RSPO2: variants seen among roughly 807,000 people sequenced by gnomAD.
The protein encoded by RSPO2 is R-spondin-2.
A neutral mutation model predicts 30.9 loss-of-function variants in RSPO2; 14 were observed. The observed-to-expected ratio is 0.45, with a 90% confidence interval of 0.30 to 0.71. RSPO2 has a LOEUF of 0.71. RSPO2 is among the 30% of genes least tolerant of loss of function. The pLI is 0.08. For synonymous variants in RSPO2, 107 were observed against 96.4 expected (o/e 1.11, Z -0.64); for missense variants, 264 against 301.9 (o/e 0.87, Z 0.93).
At position 108,082,635 on chromosome 8, in the gene RSPO2, G is replaced by T. The variant is rs1468346288; in HGVS notation, c.4C>A (p.Gln2Lys). The change falls in exon 2 of 6, where the codon CAG becomes AAG. Residue 2 changes from glutamine (Q) to lysine (K), a missense_variant. Transcript: ENST00000276659. M[Q>K]FRLFSFALII... ...AGGGCAAAGGAGAAAAGGCGAAACTGCATCTGGGCGGTCGGGCGGGGGAGA... is the reference window on the plus strand; with the variant it reads ...AGGGCAAAGGAGAAAAGGCGAAACTTCATCTGGGCGGTCGGGCGGGGGAGA... 3 of 1,613,794 alleles carry T rather than the reference G, an allele frequency of 1.9e-6. No individual in the cohort carries two copies. Among genetic ancestry groups the T allele is most frequent in the Non-Finnish European group, 2.5e-6 (3 of 1,179,754 alleles).
chr8:107,983,272 G>T (rs1814514077), intron 3 of RSPO2: 4 of 1,594,798 alleles, frequency 2.5e-6, no homozygotes, highest in Non-Finnish European at 3.4e-6. Flanking sequence ...GTCTGAGCAG[G>T]CTCATCTTTC....
chr8:108,043,733 G>A (rs1020667093), intron 2 of RSPO2, among the ~76,000 whole-genome samples: 78 of 152,046 alleles, frequency 5.1e-4, no homozygotes, highest in African/African-American at 1.7e-3. Context: ...GTGATAGCCA[G>A]GCAAGAAGCA....
At chr8:107,958,034 A>C in intron 5 of RSPO2, 46 bp downstream of exon 5, 1 of 967,716 alleles carries the variant, frequency 1.0e-6, no homozygotes. Context: ...AAGCGGGAGA[A>C]TTCAGGAAGC....
chr8:107,995,785 C>A (rs189261969), intron 2 of RSPO2, among the ~76,000 whole-genome samples: 6 of 152,216 alleles, frequency 3.9e-5, no homozygotes, highest in Admixed American at 3.3e-4. Context: ...ATAATTCAGG[C>A]CTTTATCACT....
At chr8:108,062,745 C>A (rs1302500086) in intron 2 of RSPO2, among the ~76,000 whole-genome samples, 3 of 151,720 alleles carry the variant, frequency 2.0e-5, no homozygotes, top group Non-Finnish European at 4.4e-5. Flanking sequence ...GAATTTTAGA[C>A]CAATATCCCT....
chr8:107,953,774 A>G (rs1813328437), intron 5 of RSPO2, among the ~76,000 whole-genome samples: 1 of 152,156 alleles, frequency 6.6e-6, no homozygotes, highest in Non-Finnish European at 1.5e-5. Context: ...AAAATATGGC[A>G]GGAGAATCAA....
chr8:107,907,688 CAATCATTCAGA>C (rs1203505548), intron 5 of RSPO2, among the ~76,000 whole-genome samples: 1 of 152,088 alleles, frequency 6.6e-6, no homozygotes, highest in East Asian at 1.9e-4. Flanking sequence ...ACAAATGTGA[CAATCATTCAGA>C]ATATCAGGAT....
intron 3 of RSPO2, chr8:107,983,427 C>T (rs1167045636): frequency 6.2e-7 from 1 of 1,602,116 alleles, no homozygotes; most frequent in African/African-American, 1.3e-5. Context: ...CTCACAAACC[C>T]TCTGTAGAGG....
intron 2 of RSPO2, among the ~76,000 whole-genome samples, chr8:108,063,411 T>C (rs891018580): frequency 1.3e-5 from 2 of 151,868 alleles, no homozygotes; most frequent in Admixed American, 1.3e-4. Context: ...AGCCAAATCA[T>C]GAGTGAACTC....
chr8:108,003,787 T>C (rs1037799520), intron 2 of RSPO2, among the ~76,000 whole-genome samples: 26 of 152,160 alleles, frequency 1.7e-4, no homozygotes, highest in Non-Finnish European at 3.4e-4. Flanking sequence ...TCAAAGTGAA[T>C]AAACAGATCA....
chr8:108,082,270 G>C (rs746888109), intron 2 of RSPO2, among the ~76,000 whole-genome samples: 8 of 152,252 alleles, frequency 5.3e-5, no homozygotes, highest in Non-Finnish European at 1.0e-4. Flanking sequence ...GCGAACATGA[G>C]TGCGGACCGC....
chr8:107,925,357 A>G (rs1812326731), intron 5 of RSPO2, among the ~76,000 whole-genome samples: 1 of 151,624 alleles, frequency 6.6e-6, no homozygotes, highest in Non-Finnish European at 1.5e-5. Flanking sequence ...TTTGAAACAC[A>G]CAGAACTGAC....
chr8:107,951,047 T>G (rs998288194), intron 5 of RSPO2, among the ~76,000 whole-genome samples: 2 of 34,704 alleles, frequency 5.8e-5, no homozygotes, highest in East Asian at 5.1e-3. Flanking sequence ...GAATAAGTTT[T>G]TTTTTGTTGT....
At chr8:107,944,788 T>C (rs956072034) in intron 5 of RSPO2, among the ~76,000 whole-genome samples, 3 of 152,192 alleles carry the variant, frequency 2.0e-5, no homozygotes, top group African/African-American at 4.8e-5. Flanking sequence ...GAGTGCATCT[T>C]GAAGTTCTGT....
intron 5 of RSPO2, among the ~76,000 whole-genome samples, chr8:107,953,549 G>A (rs921204651): frequency 3.9e-5 from 6 of 152,216 alleles, no homozygotes; most frequent in African/African-American, 1.4e-4. Context: ...TTTCTGCATA[G>A]AGGGAGAAAT....
Position 107,988,915 on chromosome 8 carries a change from A to G in RSPO2, c.283+141T>C. The G allele has an allele frequency of 9.2e-6, 7 of 763,570 alleles. No homozygotes were observed. In the South Asian group the frequency reaches 1.5e-4, roughly 17 times the overall value. The allele number at this position is 763,570 out of a possible 1,614,324, so 47.3% of individuals were successfully genotyped here. ...AGTGCTGGGATTACAGGCATGACCCACCACACCCAGCAAGCTTAAACTATT... is the reference window on the plus strand; with the variant it reads ...AGTGCTGGGATTACAGGCATGACCCGCCACACCCAGCAAGCTTAAACTATT... On this transcript the variant is annotated intron_variant, in intron 3 of 5. Transcript: ENST00000276659.
intron 3 of RSPO2, among the ~76,000 whole-genome samples, chr8:107,973,662 G>T (rs969128265): frequency 6.6e-6 from 1 of 152,128 alleles, no homozygotes; most frequent in African/African-American, 2.4e-5. Context: ...GATTTACTGA[G>T]AGTGAAACAA....
intron 3 of RSPO2, chr8:107,983,173 C>A: frequency 2.6e-6 from 4 of 1,541,114 alleles, no homozygotes; most frequent in Non-Finnish European, 3.5e-6. Context: ...ATGAGCAGAC[C>A]GTTTATTAGC....
rs1586643604 is a variant in RSPO2 at position 108,032,238 on chromosome 8, T to C, written c.95-42994A>G. The stretch of plus-strand genomic sequence containing the variant: ...AGGAAGTTTCAGAAAAAACATCTAT[T>C]GAGTCTACCAAATTTACAAATCACT... On this transcript the variant is annotated intron_variant, in intron 2 of 5. Coordinates refer to ENST00000276659, the MANE Select transcript of RSPO2 (RefSeq NM_178565.5). Among the ~76,000 whole-genome samples the C allele has an allele frequency of 2.0e-5, 3 of 152,312 alleles. No individual in the cohort carries two copies. The East Asian group carries it at 5.8e-4, about 29-fold the overall frequency.
Sources: gnomAD v4.1 joint callset for allele counts (sites outside exome capture counted in the v4.1 genomes callset) on GRCh38, gnomAD v4.1.1 for gene constraint, MANE v1.5 for transcripts, NCBI Gene and HGNC (gene_info 2026-07-23, HGNC 2026-07-21) for gene names.